The following ZNF385D variants were observed in gnomAD, a reference collection of about 807,000 sequenced individuals.
The protein encoded by ZNF385D is zinc finger protein 659.
Under a neutral mutation model 35.8 loss-of-function variants are expected in ZNF385D, and 15 were observed. The ratio of observed to expected loss-of-function variants is 0.42; its 90% CI spans 0.28 to 0.64. The LOEUF is 0.64. ZNF385D is among the 30% of genes least tolerant of loss of function. The pLI is 0.23. For synonymous variants in ZNF385D, 212 were observed against 186.8 expected, an observed-to-expected ratio of 1.13 and a Z score of -1.10; for missense variants, 474 against 494.6, an observed-to-expected ratio of 0.96 and a Z score of 0.39.
chr3:22,216,959 CAA>C (rs1160358417), intron 2 of ZNF385D, among the ~76,000 whole-genome samples: 1 of 152,078 alleles, frequency 6.6e-6, no homozygotes, highest in Non-Finnish European at 1.5e-5. Flanking sequence ...AAGTGCCTGC[CAA>C]GTAGAAGCAT....
At chr3:21,881,823 T>C (rs1160110999) in intron 3 of ZNF385D, among the ~76,000 whole-genome samples, 1 of 151,896 alleles carries the variant, frequency 6.6e-6, no homozygotes, top group Non-Finnish European at 1.5e-5. Context: ...TGAACAAGAA[T>C]TTGGAAAAAG....
At chr3:21,969,149 G>C (rs1041702682) in intron 3 of ZNF385D, among the ~76,000 whole-genome samples, 1 of 152,190 alleles carries the variant, frequency 6.6e-6, no homozygotes, top group African/African-American at 2.4e-5. Flanking sequence ...GGGGAGGAAA[G>C]AATGGTAAGA....
intron 3 of ZNF385D, among the ~76,000 whole-genome samples, chr3:22,062,600 A>G (rs987915923): frequency 1.3e-5 from 2 of 152,318 alleles, no homozygotes; most frequent in African/African-American, 4.8e-5. Flanking sequence ...GTTTTAAAAC[A>G]TACCCACAAA....
chr3:21,803,425 T>C (rs55953806), intron 3 of ZNF385D, among the ~76,000 whole-genome samples: 27,728 of 152,180 alleles, frequency 0.18, 2,911 homozygotes, highest in East Asian at 0.42. Context: ...ATAGGAGTCA[T>C]TGATATTTAA....
At chr3:21,421,506 C>G (rs1247477952) in intron 7 of ZNF385D, 59 bp from the exon 8 acceptor site, 1 of 1,263,408 alleles carries the variant, frequency 7.9e-7, no homozygotes, top group East Asian at 2.4e-5. Flanking sequence ...GTACTTAAAA[C>G]CCAAAATGGC....
intron 3 of ZNF385D, among the ~76,000 whole-genome samples, chr3:21,800,904 A>G (rs1044778149): frequency 7.2e-5 from 11 of 152,110 alleles, no homozygotes; most frequent in Non-Finnish European, 1.5e-4. Context: ...TTCCAGTAGC[A>G]GCAACCTTTT....
At chr3:22,215,685 G>A (rs960913486) in intron 2 of ZNF385D, among the ~76,000 whole-genome samples, 2 of 151,942 alleles carry the variant, frequency 1.3e-5, no homozygotes, top group Non-Finnish European at 2.9e-5. Flanking sequence ...ATCTCGCCCT[G>A]CCTCCATTTG....
At chr3:22,217,417 C>T (rs900616812) in intron 2 of ZNF385D, among the ~76,000 whole-genome samples, 3 of 152,102 alleles carry the variant, frequency 2.0e-5, no homozygotes, top group African/African-American at 4.8e-5. Flanking sequence ...CCTCATCATA[C>T]CTGATTAAAA....
intron 3 of ZNF385D, among the ~76,000 whole-genome samples, chr3:22,069,984 G>A (rs753374339): frequency 6.6e-6 from 1 of 152,132 alleles, no homozygotes; most frequent in African/African-American, 2.4e-5. Context: ...ATAAGATAAA[G>A]CTGTTTGTTA....
chr3:22,350,057 G>C (rs144039679), intron 2 of ZNF385D, among the ~76,000 whole-genome samples: 18 of 152,084 alleles, frequency 1.2e-4, no homozygotes, highest in African/African-American at 4.3e-4. Flanking sequence ...AAAAATGTTT[G>C]GTAGAACTTT....
rs115885831 is a variant in ZNF385D, at chr3:22,285,122, T to C, written c.106+87328A>G. On this transcript the variant is annotated intron_variant, in intron 2 of 5. Transcript: ENST00000494108. ...TTTTCAGCATTGATTAGAGGTAGTATTTCCCTGGCAAACCAACTGAATCAC... is the reference window on the plus strand; with the variant it reads ...TTTTCAGCATTGATTAGAGGTAGTACTTCCCTGGCAAACCAACTGAATCAC... Among the ~76,000 whole-genome samples the C allele has an allele frequency of 5.0e-3, 757 of 152,268 alleles. 6 individuals are homozygous for C. The highest frequency in any genetic ancestry group is 0.017 in the African/African-American group (711 of 41,578).
chr3:21,727,562 G>A (rs1039928810), intron 1 of ZNF385D, among the ~76,000 whole-genome samples: 1 of 152,138 alleles, frequency 6.6e-6, no homozygotes, highest in African/African-American at 2.4e-5. Flanking sequence ...AGAAACATAT[G>A]AAAAAATGCT....
chr3:21,443,080 A>G (rs1559451452), intron 4 of ZNF385D: 1 of 947,132 alleles, frequency 1.1e-6, no homozygotes, highest in Non-Finnish European at 1.3e-6. Context: ...AGAGTGGTAT[A>G]GCTGTAGAAA....
intron 3 of ZNF385D, among the ~76,000 whole-genome samples, chr3:21,785,176 G>C (rs2071638961): frequency 1.3e-5 from 2 of 152,118 alleles, no homozygotes. Flanking sequence ...ACTATTAAGA[G>C]AGCAGCTAGA....
At chr3:21,426,264 A>G (rs1701020984) in intron 5 of ZNF385D, among the ~76,000 whole-genome samples, 1 of 152,208 alleles carries the variant, frequency 6.6e-6, no homozygotes, top group Admixed American at 6.5e-5. Context: ...AATCCATATT[A>G]GAATAGTGAA....
chr3:21,443,442 T>C, intron 4 of ZNF385D: 3 of 539,950 alleles, frequency 5.6e-6, no homozygotes, highest in Non-Finnish European at 7.1e-6. Context: ...AACCCATCCA[T>C]ATACAGGATG....
In ZNF385D at chr3:22,260,442, C is replaced by G. The variant is rs111903689; in HGVS notation, c.107-91407G>C. Among the ~76,000 whole-genome samples, 1,261 of 151,938 alleles carry G rather than the reference C, an allele frequency of 8.3e-3. 22 individuals carry two copies. Among genetic ancestry groups the G allele is most frequent in the African/African-American group, 0.029 (1,195 of 41,476 alleles). ...TGTTGGGTTGACAGGTGCAGCAAACCACCATGGCACATGTATACCTATGTA... is the reference window on the plus strand; with the variant it reads ...TGTTGGGTTGACAGGTGCAGCAAACGACCATGGCACATGTATACCTATGTA... On this transcript the variant is annotated intron_variant, in intron 2 of 5. Transcript: ENST00000494108.
rs150417663 is a variant in ZNF385D, at chr3:21,863,909, A to G, written c.326-198881T>C. On this transcript the variant is annotated intron_variant, in intron 3 of 5. Transcript: ENST00000494108. Reference sequence around the variant, plus strand: ...TCAAACATTAATGCGCACATGAATCACCAGGAATCTTGTTCAAAATGCAGA... The same window carrying G: ...TCAAACATTAATGCGCACATGAATCGCCAGGAATCTTGTTCAAAATGCAGA... 5.8e-3 allele frequency among the ~76,000 whole-genome samples: 887 copies of G among 152,280 alleles called. 9 individuals are homozygous for G. Among genetic ancestry groups the G allele is most frequent in the African/African-American group, 0.02 (849 of 41,582 alleles).
intron 2 of ZNF385D, among the ~76,000 whole-genome samples, chr3:22,197,814 C>G (rs1338059240): frequency 6.6e-6 from 1 of 152,130 alleles, no homozygotes; most frequent in African/African-American, 2.4e-5. Flanking sequence ...CTTAAAATAT[C>G]TACCTTACTT....
Sources: allele counts gnomAD v4.1 joint callset (sites outside exome capture counted in the v4.1 genomes callset), GRCh38; gene constraint gnomAD v4.1.1; transcripts MANE v1.5; gene names NCBI Gene and HGNC (gene_info 2026-07-23, HGNC 2026-07-21).